ST3GAL3: variants seen among roughly 807,000 people sequenced by gnomAD.
ST3GAL3 encodes CMP-N-acetylneuraminate-beta-1,4-galactoside alpha-2,3-sialyltransferase.
In ST3GAL3, 21 loss-of-function variants were observed where a neutral mutation model predicts 50.1. The observed-to-expected ratio is 0.42, with a 90% CI of 0.30 to 0.60. ST3GAL3 has a LOEUF of 0.60. Ranked by LOEUF, ST3GAL3 falls within the 20% of genes least tolerant of loss-of-function variation. ST3GAL3 has a pLI of 0.19. For synonymous variants in ST3GAL3, 183 were observed against 190.0 expected, an observed-to-expected ratio of 0.96 and a Z score of 0.30; for missense variants, 353 against 489.4, an observed-to-expected ratio of 0.72 and a Z score of 2.63.
intron 4 of ST3GAL3, among the ~76,000 whole-genome samples, chr1:43,834,265 T>C (rs1172484975): frequency 6.6e-6 from 1 of 152,198 alleles, no homozygotes; most frequent in Non-Finnish European, 1.5e-5. Flanking sequence ...CTTGGGGAAA[T>C]ATTTCCTAAC....
At chr1:43,875,518 C>A (rs1423848390) in intron 5 of ST3GAL3, among the ~76,000 whole-genome samples, 2 of 152,104 alleles carry the variant, frequency 1.3e-5, no homozygotes, top group Non-Finnish European at 2.9e-5. Flanking sequence ...ATAAACCCCA[C>A]GTGTCATGGG....
intron 2 of ST3GAL3, among the ~76,000 whole-genome samples, chr1:43,774,215 T>C (rs1696342362): frequency 6.6e-6 from 1 of 152,248 alleles, no homozygotes; most frequent in South Asian, 2.1e-4. Flanking sequence ...GTTATTCTTA[T>C]ATATAATAAA....
intron 5 of ST3GAL3, chr1:43,850,630 C>T: frequency 2.6e-6 from 2 of 761,178 alleles, no homozygotes; most frequent in Non-Finnish European, 4.8e-6. Context: ...ACCTTCTCAG[C>T]CCTTCTGCCA....
intron 1 of ST3GAL3, among the ~76,000 whole-genome samples, chr1:43,724,275 A>G (rs373777341): frequency 1.1e-4 from 16 of 151,892 alleles, no homozygotes; most frequent in African/African-American, 1.9e-4. Context: ...CAGTGGTGCA[A>G]TCTCAGCTAA....
chr1:43,873,295 G>A (rs1438013295), intron 5 of ST3GAL3, among the ~76,000 whole-genome samples: 2 of 152,192 alleles, frequency 1.3e-5, no homozygotes, highest in Non-Finnish European at 2.9e-5. Context: ...TGCCAGCACA[G>A]GTGTGAGTAT....
intron 5 of ST3GAL3, among the ~76,000 whole-genome samples, chr1:43,880,488 C>T (rs542844618): frequency 6.6e-5 from 10 of 152,158 alleles, no homozygotes; most frequent in Non-Finnish European, 1.0e-4. Flanking sequence ...CCTCTCCTCC[C>T]GGGCTTCATT....
chr1:43,743,690 T>C (rs1167481884), intron 2 of ST3GAL3: 2 of 248,638 alleles, frequency 8.0e-6, no homozygotes, highest in Non-Finnish European at 1.6e-5. Context: ...ATTGCCATGT[T>C]CCAGTAGCAG....
chr1:43,923,633 T>C (rs2083428622), intron 11 of ST3GAL3, among the ~76,000 whole-genome samples: 1 of 152,086 alleles, frequency 6.6e-6, no homozygotes, highest in Non-Finnish European at 1.5e-5. Context: ...CTTTTCTTTT[T>C]GAGATAGGGT....
At chr1:43,926,294 A>G (rs2083905009) in intron 11 of ST3GAL3, among the ~76,000 whole-genome samples, 1 of 152,190 alleles carries the variant, frequency 6.6e-6, no homozygotes, top group African/African-American at 2.4e-5. Context: ...GGAGCCAAAG[A>G]AAAAGAGCTT....
rs147263689 is a variant in ST3GAL3, at chr1:43,731,557, ATT to A, written c.-30-4656_-30-4655del. 1.5e-3 allele frequency among the ~76,000 whole-genome samples: 182 copies of A among 123,546 alleles called. 1 individual carries two copies. Among genetic ancestry groups the A allele is most frequent in the East Asian group, 2.3e-3 (10 of 4,310 alleles). 81.1% of individuals were successfully genotyped at this position (123,546 alleles called of 152,430 possible). A position where few individuals can be genotyped will look rare whatever the true frequency, so the allele number is the denominator to read the frequency against. On this transcript the variant is annotated intron_variant, in intron 1 of 11. Coordinates refer to ENST00000347631, the MANE Select transcript of ST3GAL3 (RefSeq NM_006279.5). ...CCGCCACCATGCCCGGCTAATTTTA[ATT>A]TTTTTTTTTTTTTTTTTTTAGTAGA...
chr1:43,921,792 C>A, intron 11 of ST3GAL3: 1 of 398,898 alleles, frequency 2.5e-6, no homozygotes, highest in South Asian at 1.3e-4. Context: ...AGAGGGGACT[C>A]TGATCTGTCG....
chr1:43,801,560 T>G, intron 3 of ST3GAL3: 1 of 349,584 alleles, frequency 2.9e-6, no homozygotes. Context: ...GAAGTAATAC[T>G]TATGTGCTAT....
rs889670754 is a variant in ST3GAL3, at chr1:43,838,194, T to C, written c.210-25T>C. On this transcript the variant is annotated intron_variant, in intron 4 of 11. Transcript: ENST00000347631. ...ACTCAGTGCTCAGTGCCTGGCAAGC[T>C]GTAACTTTCCTTCTCTTCCCATAGG... is the stretch of plus-strand genomic sequence containing the variant. 11 of 1,584,410 alleles carry C rather than the reference T, an allele frequency of 6.9e-6. No homozygotes were observed. The East Asian group carries it at 2.5e-4, about 37-fold the overall frequency.
chr1:43,732,270 A>G (rs1676273068), intron 1 of ST3GAL3, among the ~76,000 whole-genome samples: 1 of 152,174 alleles, frequency 6.6e-6, no homozygotes, highest in Non-Finnish European at 1.5e-5. Flanking sequence ...TCTGGCTTCC[A>G]GCTGGGATCA....
At chr1:43,920,625 G>A (rs1479287692) in intron 10 of ST3GAL3, 75 bp downstream of exon 10, 1 of 1,603,506 alleles carries the variant, frequency 6.2e-7, no homozygotes, top group Non-Finnish European at 8.5e-7. Flanking sequence ...GGTGGGTGGT[G>A]GGTGGGGCAG....
At chr1:43,746,548 C>T (rs1423917520) in intron 2 of ST3GAL3, among the ~76,000 whole-genome samples, 3 of 149,198 alleles carry the variant, frequency 2.0e-5, no homozygotes, top group Non-Finnish European at 3.0e-5. Context: ...CTGCAAGCTC[C>T]GCCTCCTGGG....
chr1:43,859,333 CAG>C (rs1313899312), intron 5 of ST3GAL3, among the ~76,000 whole-genome samples: 4 of 152,068 alleles, frequency 2.6e-5, no homozygotes, highest in Admixed American at 2.0e-4. Flanking sequence ...AGTTTGAAAA[CAG>C]AAGATTGGGG....
chr1:43,747,571 T>TC (rs1684306454), intron 2 of ST3GAL3, among the ~76,000 whole-genome samples: 2 of 146,906 alleles, frequency 1.4e-5, no homozygotes, highest in African/African-American at 5.1e-5. Context: ...ATTTTTTTTT[T>TC]TTTTTTTTTT....
chr1:43,725,783 ACTACAGGCACGCACCACCGTGC>A (rs1256604602), intron 1 of ST3GAL3, among the ~76,000 whole-genome samples: 1 of 152,010 alleles, frequency 6.6e-6, no homozygotes, highest in Admixed American at 6.6e-5. Flanking sequence ...AGTTGCTGGG[ACTACAGGCACGCACCACCGTGC>A]CTAGCTAATT....
Sources: gnomAD v4.1 joint callset for allele counts (sites outside exome capture counted in the v4.1 genomes callset) on GRCh38, gnomAD v4.1.1 for gene constraint, MANE v1.5 for transcripts, NCBI Gene and HGNC (gene_info 2026-07-23, HGNC 2026-07-21) for gene names.